Variants in TMEM170B observed in about 807,000 individuals in gnomAD.
The protein encoded by TMEM170B is transmembrane protein 170B.
A neutral mutation model predicts 13.0 loss-of-function variants in TMEM170B; 6 were observed. The observed-to-expected ratio is 0.46, with a 90% CI of 0.25 to 0.91. The LOEUF is 0.91. TMEM170B is among the 40% of genes least tolerant of loss of function. The probability of loss-of-function intolerance (pLI) is 0.17; values close to 1 mark genes in which losing one functional copy is unlikely to be tolerated. For missense variants in TMEM170B, 138 were observed against 165.2 expected, an observed-to-expected ratio of 0.84 and a Z score of 0.90; for synonymous variants, 61 against 64.9, an observed-to-expected ratio of 0.94 and a Z score of 0.29.
At position 11,538,473 on chromosome 6, in the gene TMEM170B, G is replaced by C. The variant is rs1476522792; in HGVS notation, c.97+99G>C. On this transcript the variant is annotated intron_variant, in intron 1 of 2. Transcript: ENST00000379426. The stretch of plus-strand genomic sequence containing the variant: ...ACACGCTCCTCGCCGCCCCACCCCC[G>C]TGCGCGCCCCGCTCGGAGCTCCAGG... 5.5e-6 allele frequency: 5 copies of C among 908,112 alleles called. No homozygotes were observed. In the South Asian group the frequency reaches 6.9e-5, roughly 12 times the overall value. 56.3% of individuals were successfully genotyped at this position (908,112 alleles called of 1,614,324 possible). A position where few individuals can be genotyped will look rare whatever the true frequency, so the allele number is the denominator to read the frequency against.
At chr6:11,558,374 A>G (rs1425305448) in intron 1 of TMEM170B, among the ~76,000 whole-genome samples, 2 of 152,150 alleles carry the variant, frequency 1.3e-5, no homozygotes, top group African/African-American at 2.4e-5. Context: ...TTGCAATTTC[A>G]TATTCTCTAT....
At chr6:11,560,314 G>A (rs1464369143) in intron 1 of TMEM170B, among the ~76,000 whole-genome samples, 2 of 144,998 alleles carry the variant, frequency 1.4e-5, no homozygotes, top group African/African-American at 5.1e-5. Flanking sequence ...ACAGGTGCCC[G>A]CCACCACGCC....
chr6:11,572,762 T>C (rs1479290288), intron 2 of TMEM170B, among the ~76,000 whole-genome samples: 1 of 152,154 alleles, frequency 6.6e-6, no homozygotes. Flanking sequence ...TATTTGTTGA[T>C]GCATTACATT....
intron 2 of TMEM170B, among the ~76,000 whole-genome samples, chr6:11,572,939 AT>A (rs1241055219): frequency 2.0e-5 from 3 of 152,120 alleles, no homozygotes; most frequent in Non-Finnish European, 4.4e-5. Flanking sequence ...TCCTTTTGAA[AT>A]TGTATGGGTT....
rs2113785308 is a variant in TMEM170B, at chr6:11,575,319, A to G, written c.269-112A>G. ...TCATAGAAAGTGGATAAAATGAGAA[A>G]AAAATGATGACTTATGTTTTGATGA... is the stretch of plus-strand genomic sequence containing the variant. On this transcript the variant is annotated intron_variant, in intron 2 of 2. Coordinates refer to ENST00000379426, the MANE Select transcript of TMEM170B (RefSeq NM_001100829.3). The surrounding 1 kb of genome is among the most constrained non-coding windows in gnomAD (Gnocchi z 4.1). 2.8e-6 allele frequency: 4 copies of G among 1,412,960 alleles called. No homozygotes were observed. The highest frequency in any genetic ancestry group is 2.2e-5 in the Admixed American group (1 of 44,992). 87.5% of individuals were successfully genotyped at this position (1,412,960 alleles called of 1,614,324 possible).
At position 11,580,452 on chromosome 6, in the gene TMEM170B, A is replaced by G. The variant is rs560427619; in HGVS notation, c.*4891A>G. The G allele has an allele frequency of 2.0e-5, 3 of 152,306 alleles. No individual in the cohort carries two copies. The highest frequency in any genetic ancestry group is 6.5e-5 in the Admixed American group (1 of 15,292). 9.4% of individuals were successfully genotyped at this position (152,306 alleles called of 1,614,324 possible). A position where few individuals can be genotyped will look rare whatever the true frequency, so the allele number is the denominator to read the frequency against. On this transcript the variant is annotated 3_prime_UTR_variant, in exon 3 of 3. Coordinates refer to ENST00000379426, the MANE Select transcript of TMEM170B (RefSeq NM_001100829.3). ...CACTACAGATTTTTCTCTCAGTCTC[A>G]ATCAGAATCTCTGCAGTCATTATTT...
In TMEM170B at chr6:11,575,024, ATTATG is replaced by A. The variant is rs1400191210; in HGVS notation, c.269-402_269-398del. On this transcript the variant is annotated intron_variant, in intron 2 of 2. Transcript: ENST00000379426. The surrounding 1 kb of genome is among the most constrained non-coding windows in gnomAD (Gnocchi z 4.1). Reference sequence around the variant, plus strand: ...ATTAATAATTTAGAAATTACATTAAATTATGTTATTTTTCTGCATTATCACTTGTA... The same window carrying A: ...ATTAATAATTTAGAAATTACATTAAATTATTTTTCTGCATTATCACTTGTA... 6.6e-6 allele frequency among the ~76,000 whole-genome samples: 1 copy of A among 152,018 alleles called. No individual in the cohort carries two copies. The highest frequency in any genetic ancestry group is 1.5e-5 in the Non-Finnish European group (1 of 67,988).
At chr6:11,543,413 A>C (rs1759388730) in intron 1 of TMEM170B, among the ~76,000 whole-genome samples, 2 of 152,276 alleles carry the variant, frequency 1.3e-5, no homozygotes, top group Non-Finnish European at 2.9e-5. Flanking sequence ...CATACCTTTA[A>C]AACATGCAAA....
chr6:11,564,113 G>A (rs1191475714), intron 1 of TMEM170B, among the ~76,000 whole-genome samples: 1 of 152,184 alleles, frequency 6.6e-6, no homozygotes, highest in Non-Finnish European at 1.5e-5. Flanking sequence ...TCCGTTGTAT[G>A]TGTACCATGT....
intron 2 of TMEM170B, among the ~76,000 whole-genome samples, chr6:11,573,082 T>G (rs940375032): frequency 3.9e-5 from 6 of 152,168 alleles, no homozygotes; most frequent in African/African-American, 1.4e-4. Flanking sequence ...ATTCTAAATA[T>G]TAATCATCAG....
In TMEM170B at chr6:11,581,285, C is replaced by T. The variant is rs1403092530; in HGVS notation, c.*5724C>T. The stretch of plus-strand genomic sequence containing the variant: ...TAAAAATCTTCCTCCTCTTTCCATA[C>T]AGATGTCGTATGTTATAGTTTAAAC... On this transcript the variant is annotated 3_prime_UTR_variant, in exon 3 of 3. Coordinates refer to ENST00000379426, the MANE Select transcript of TMEM170B (RefSeq NM_001100829.3). The T allele has an allele frequency of 6.6e-6, 1 of 152,176 alleles. No individual in the cohort carries two copies. The highest frequency in any genetic ancestry group is 1.5e-5 in the Non-Finnish European group (1 of 68,020). 9.4% of individuals were successfully genotyped at this position (152,176 alleles called of 1,614,324 possible).
At chr6:11,540,022 C>G (rs1423173743) in intron 1 of TMEM170B, among the ~76,000 whole-genome samples, 1 of 152,146 alleles carries the variant, frequency 6.6e-6, no homozygotes, top group African/African-American at 2.4e-5. Context: ...AAAAAAAGTA[C>G]AGACGTTAAT....
intron 1 of TMEM170B, among the ~76,000 whole-genome samples, chr6:11,560,875 A>G (rs1041260137): frequency 4.6e-5 from 7 of 152,224 alleles, no homozygotes; most frequent in Non-Finnish European, 1.0e-4. Context: ...TTCATTTCTC[A>G]TAAATAATGT....
chr6:11,567,129 C>G (rs766124961), intron 2 of TMEM170B, among the ~76,000 whole-genome samples: 3 of 152,204 alleles, frequency 2.0e-5, no homozygotes, highest in Non-Finnish European at 4.4e-5. Context: ...CTGCCCCACT[C>G]CTGACAACCT....
At chr6:11,542,868 A>C (rs1759380729) in intron 1 of TMEM170B, among the ~76,000 whole-genome samples, 1 of 152,194 alleles carries the variant, frequency 6.6e-6, no homozygotes, top group Non-Finnish European at 1.5e-5. Flanking sequence ...TAGGCACTTT[A>C]CATATATTAT....
chr6:11,552,147 G>T (rs1759533594), intron 1 of TMEM170B, among the ~76,000 whole-genome samples: 1 of 152,072 alleles, frequency 6.6e-6, no homozygotes. Flanking sequence ...GTTATTGAGA[G>T]CTTAGTGGTT....
intron 1 of TMEM170B, among the ~76,000 whole-genome samples, chr6:11,541,851 G>A (rs968969984): frequency 6.6e-6 from 1 of 152,014 alleles, no homozygotes; most frequent in African/African-American, 2.4e-5. Context: ...CAATATTGTT[G>A]TATCTCAGGG....
intron 1 of TMEM170B, among the ~76,000 whole-genome samples, chr6:11,548,862 G>T (rs1370740210): frequency 7.1e-6 from 1 of 140,710 alleles, no homozygotes; most frequent in Non-Finnish European, 1.5e-5. Flanking sequence ...TCATAGGTGG[G>T]AATTGGAACA....
At chr6:11,573,574 G>A (rs987724016) in intron 2 of TMEM170B, among the ~76,000 whole-genome samples, 13 of 152,160 alleles carry the variant, frequency 8.5e-5, no homozygotes, top group Admixed American at 2.6e-4. Flanking sequence ...GTGGAGCTTG[G>A]ATTTTAATCC....
Sources: gnomAD v4.1 joint callset for allele counts (sites outside exome capture counted in the v4.1 genomes callset) on GRCh38, gnomAD v4.1.1 for gene constraint, Gnocchi (gnomAD v3.1) non-coding constraint, MANE v1.5 for transcripts, NCBI Gene and HGNC (gene_info 2026-07-23, HGNC 2026-07-21) for gene names.